The following DDAH1 variants were observed in gnomAD, a reference collection of about 807,000 sequenced individuals.
DDAH1 encodes the protein dimethylarginine dimethylaminohydrolase 1.
In DDAH1, 19 loss-of-function variants were observed where a neutral mutation model predicts 28.8. The observed-to-expected ratio is 0.66, with a 90% CI of 0.46 to 0.97. DDAH1 has a LOEUF of 0.97. Ranked by LOEUF, DDAH1 falls within the 50% of genes least tolerant of loss-of-function variation. The pLI is 0.00. For missense variants in DDAH1, 326 were observed against 375.9 expected (o/e 0.87, Z 1.10); for synonymous variants, 153 against 154.4 (o/e 0.99, Z 0.07).
Position 85,428,462 on chromosome 1 carries a change from T to C in DDAH1, c.303+36281A>G, listed in dbSNP as rs1470382316. On this transcript the variant is annotated intron_variant, in intron 1 of 5. Transcript: ENST00000284031. ...TATCATGAGAACAGCATGGGAAAGA[T>C]TCGCCCCCATGATTCAATTACCTCC... Among the ~76,000 whole-genome samples the C allele has an allele frequency of 2.0e-5, 3 of 152,070 alleles. No individual in the cohort carries two copies. The East Asian group carries it at 5.8e-4, about 29-fold the overall frequency.
intron 2 of DDAH1, among the ~76,000 whole-genome samples, chr1:85,478,874 A>G (rs559214262): frequency 1.9e-4 from 29 of 152,352 alleles, no homozygotes; most frequent in African/African-American, 7.0e-4. Context: ...ATGGGTTGTT[A>G]ATATTATGGG....
At chr1:85,328,667 T>C (rs1219767840) in intron 4 of DDAH1, among the ~76,000 whole-genome samples, 1 of 152,200 alleles carries the variant, frequency 6.6e-6, no homozygotes, top group African/African-American at 2.4e-5. Context: ...GGGAGGCAGT[T>C]CTCTGAGCCA....
intron 1 of DDAH1, among the ~76,000 whole-genome samples, chr1:85,362,226 CTGTCAAGACA>C (rs1330796255): frequency 1.3e-5 from 2 of 151,930 alleles, no homozygotes; most frequent in Non-Finnish European, 2.9e-5. Context: ...CTCCTGGAAG[CTGTCAAGACA>C]TGTGGCAAAT....
At chr1:85,488,786 T>G (rs1185916907) in intron 2 of DDAH1, among the ~76,000 whole-genome samples, 1 of 152,142 alleles carries the variant, frequency 6.6e-6, no homozygotes, top group African/African-American at 2.4e-5. Context: ...AAAGGTGATG[T>G]TTCTGATGAG....
chr1:85,433,664 C>T (rs1653807588), intron 1 of DDAH1, among the ~76,000 whole-genome samples: 1 of 152,098 alleles, frequency 6.6e-6, no homozygotes, highest in Non-Finnish European at 1.5e-5. Flanking sequence ...TTTTTCTATT[C>T]CTTCATAAGG....
chr1:85,332,912 CAGCCA>C (rs1647866568), intron 4 of DDAH1, among the ~76,000 whole-genome samples: 2 of 152,130 alleles, frequency 1.3e-5, no homozygotes, highest in Non-Finnish European at 2.9e-5. Flanking sequence ...CAGCCCATTG[CAGCCA>C]CCGCTAATAT....
intron 2 of DDAH1, among the ~76,000 whole-genome samples, chr1:85,355,432 T>C (rs1248315228): frequency 2.6e-5 from 4 of 152,096 alleles, no homozygotes; most frequent in African/African-American, 4.8e-5. Flanking sequence ...ACAAAAATAA[T>C]AGTCATAACA....
At chr1:85,416,665 CTTTTCTTT>C (rs1371134542) in intron 1 of DDAH1, among the ~76,000 whole-genome samples, 1 of 152,032 alleles carries the variant, frequency 6.6e-6, no homozygotes, top group Admixed American at 6.6e-5. Context: ...CTGGTGCCTT[CTTTTCTTT>C]TTTTCTTTTT....
At chr1:85,436,634 T>C (rs1653957072) in intron 1 of DDAH1, among the ~76,000 whole-genome samples, 1 of 152,198 alleles carries the variant, frequency 6.6e-6, no homozygotes, top group Non-Finnish European at 1.5e-5. Context: ...GGTGCTCAGC[T>C]TATCTCTGGG....
chr1:85,356,221 A>G (rs1649481637), intron 2 of DDAH1, among the ~76,000 whole-genome samples: 1 of 152,232 alleles, frequency 6.6e-6, no homozygotes, highest in Non-Finnish European at 1.5e-5. Flanking sequence ...AAAATAAATA[A>G]AAGTAGAGGT....
At chr1:85,336,557 T>A (rs1480595737) in intron 4 of DDAH1, among the ~76,000 whole-genome samples, 1 of 151,886 alleles carries the variant, frequency 6.6e-6, no homozygotes, top group African/African-American at 2.4e-5. Context: ...GGGAAATTTA[T>A]ACCAACAAAT....
intron 1 of DDAH1, among the ~76,000 whole-genome samples, chr1:85,411,749 C>T (rs1652663641): frequency 6.6e-6 from 1 of 152,208 alleles, no homozygotes; most frequent in East Asian, 1.9e-4. Flanking sequence ...CACTATGATT[C>T]TGAGGCTCCC....
intron 1 of DDAH1, among the ~76,000 whole-genome samples, chr1:85,372,480 T>G (rs1047436478): frequency 6.6e-6 from 1 of 152,162 alleles, no homozygotes; most frequent in Non-Finnish European, 1.5e-5. Context: ...CGGTCAATAT[T>G]CTACCAAGGA....
intron 4 of DDAH1, among the ~76,000 whole-genome samples, chr1:85,336,625 G>A (rs1165172221): frequency 6.6e-6 from 1 of 151,470 alleles, no homozygotes; most frequent in Non-Finnish European, 1.5e-5. Context: ...GCACCTCAAG[G>A]AACTAGAAAA....
chr1:85,451,324 C>T (rs1427606568), intron 1 of DDAH1, among the ~76,000 whole-genome samples: 1 of 152,116 alleles, frequency 6.6e-6, no homozygotes, highest in East Asian at 1.9e-4. Flanking sequence ...AATAGCAGCC[C>T]TTTAGAAAGA....
At chr1:85,344,098 T>G (rs1360470592) in intron 4 of DDAH1, among the ~76,000 whole-genome samples, 2 of 152,142 alleles carry the variant, frequency 1.3e-5, no homozygotes, top group African/African-American at 4.8e-5. Flanking sequence ...AAATTACAAG[T>G]CTATTGAAAA....
intron 1 of DDAH1, chr1:85,399,855 T>G (rs1651986069): frequency 6.6e-6 from 1 of 152,240 alleles, no homozygotes; most frequent in Non-Finnish European, 1.5e-5. Flanking sequence ...TAGCCCTTTC[T>G]GTCTATAAAA....
chr1:85,543,067 T>C (rs1658518471), intron 1 of DDAH1, among the ~76,000 whole-genome samples: 2 of 152,172 alleles, frequency 1.3e-5, no homozygotes, highest in Non-Finnish European at 2.9e-5. Context: ...ACTATACTGC[T>C]TCTCAGATCT....
intron 1 of DDAH1, among the ~76,000 whole-genome samples, chr1:85,366,097 TA>T (rs745539966): frequency 8.2e-4 from 115 of 140,732 alleles, no homozygotes; most frequent in African/African-American, 1.6e-3. Context: ...TGATAGCTGG[TA>T]AAAAAAAAAA....
Sources: allele counts gnomAD v4.1 joint callset (sites outside exome capture counted in the v4.1 genomes callset), GRCh38; gene constraint gnomAD v4.1.1; transcripts MANE v1.5; gene names NCBI Gene and HGNC (gene_info 2026-07-23, HGNC 2026-07-21).